Variants in CNN2 observed in about 807,000 individuals in gnomAD.
CNN2 encodes the protein calponin 2.
A neutral mutation model predicts 31.0 loss-of-function variants in CNN2; 21 were observed. The observed-to-expected ratio is 0.68, with a 90% CI of 0.48 to 0.98. The LOEUF (loss-of-function observed/expected upper bound fraction) is 0.98. CNN2 is among the 50% of genes least tolerant of loss of function. The pLI is 0.00. For synonymous variants in CNN2, 165 were observed against 179.6 expected, an observed-to-expected ratio of 0.92 and a Z score of 0.65; for missense variants, 399 against 427.3, an observed-to-expected ratio of 0.93 and a Z score of 0.58.
At position 1,038,736 on chromosome 19, in the gene CNN2, T is replaced by G. The variant is rs2039672249; in HGVS notation, c.*836T>G. Reference sequence around the variant, plus strand: ...CTGCAGGTGCTCCACCACGCCCGGCTAATTTTTGTATTTTTAGTAGAGATG... The same window carrying G: ...CTGCAGGTGCTCCACCACGCCCGGCGAATTTTTGTATTTTTAGTAGAGATG... On this transcript the variant is annotated 3_prime_UTR_variant, in exon 7 of 7. Transcript: ENST00000263097. 6.6e-6 allele frequency: 1 copy of G among 152,206 alleles called. No individual in the cohort carries two copies. The highest frequency in any genetic ancestry group is 1.5e-5 in the Non-Finnish European group (1 of 68,066). 9.4% of individuals were successfully genotyped at this position (152,206 alleles called of 1,614,324 possible).
chr19:1,037,462 G>T, intron 6 of CNN2, 163 bp from the exon 7 acceptor site: 1 of 839,774 alleles, frequency 1.2e-6, no homozygotes, highest in South Asian at 1.7e-5. Flanking sequence ...GGGAGAGACA[G>T]GGTTTCACCG....
chr19:1,031,008 C>T (rs2039480557), intron 1 of CNN2, 63 bp from the exon 2 acceptor site: 1 of 1,559,194 alleles, frequency 6.4e-7, no homozygotes, highest in Non-Finnish European at 8.7e-7. Context: ...TGCAGAGCTT[C>T]TGTGGGGTTC....
chr19:1,029,094 G>A (rs1450155531), intron 1 of CNN2, among the ~76,000 whole-genome samples: 1 of 143,700 alleles, frequency 7.0e-6, no homozygotes. Flanking sequence ...TCCAGCTCAG[G>A]GGACCCTAAC....
At chr19:1,032,855 T>G in intron 4 of CNN2, 159 bp downstream of exon 4, 1 of 607,262 alleles carries the variant, frequency 1.6e-6, no homozygotes, top group Non-Finnish European at 2.9e-6. Flanking sequence ...CTCAGCTCAC[T>G]GCAACCTCCA....
chr19:1,036,111 G>A lies in CNN2; in HGVS notation c.391-19G>A. ...TGGCTGCCCTCTGCTGGTACTCCCGGCCCCTTTCCCTCACCCAGGCCAAGA... is the reference window on the plus strand; with the variant it reads ...TGGCTGCCCTCTGCTGGTACTCCCGACCCCTTTCCCTCACCCAGGCCAAGA... On this transcript the variant is annotated intron_variant, in intron 4 of 6. Transcript: ENST00000263097. 6.3e-7 allele frequency: 1 copy of A among 1,589,104 alleles called. No homozygotes were observed. The highest frequency in any genetic ancestry group is 1.7e-4 in the Middle Eastern group (1 of 5,934).
chr19:1,037,261 C>T, intron 6 of CNN2: 1 of 240,458 alleles, frequency 4.2e-6, no homozygotes, highest in Non-Finnish European at 8.4e-6. Context: ...CCTCAGCCTC[C>T]CGAGTAGCTG....
At chr19:1,029,876 T>C (rs1369429915) in intron 1 of CNN2, among the ~76,000 whole-genome samples, 1 of 151,954 alleles carries the variant, frequency 6.6e-6, no homozygotes, top group Non-Finnish European at 1.5e-5. Context: ...ATTTTTGTAT[T>C]TTAGTACAGA....
chr19:1,030,492 G>A (rs1486242361), intron 1 of CNN2, among the ~76,000 whole-genome samples: 2 of 152,160 alleles, frequency 1.3e-5, no homozygotes, highest in African/African-American at 2.4e-5. Flanking sequence ...TGGGCCTGGT[G>A]GCGGGCGCCT....
Position 1,032,477 on chromosome 19 carries a change from G to A in CNN2, c.252+19G>A, listed in dbSNP as rs370859324. 152 of 1,613,344 alleles carry A rather than the reference G, an allele frequency of 9.4e-5. No individual in the cohort carries two copies. The highest frequency in any genetic ancestry group is 1.2e-4 in the Non-Finnish European group (137 of 1,179,872). ...GCACCAGGTGAGGGGCTGGTGGAGC[G>A]GAGCAGGGATGGTGCTGGGGGCCCA... On this transcript the variant is annotated intron_variant, in intron 3 of 6. Coordinates refer to ENST00000263097, the MANE Select transcript of CNN2 (RefSeq NM_004368.4).
chr19:1,030,593 T>C (rs1204641897), intron 1 of CNN2, among the ~76,000 whole-genome samples: 1 of 151,942 alleles, frequency 6.6e-6, no homozygotes, highest in Non-Finnish European at 1.5e-5. Flanking sequence ...ACCACTGCAC[T>C]CCAGCCTGGG....
chr19:1,030,283 G>A (rs750886602), intron 1 of CNN2, among the ~76,000 whole-genome samples: 17 of 152,190 alleles, frequency 1.1e-4, no homozygotes, highest in Non-Finnish European at 1.9e-4. Context: ...AGCCAGGTGC[G>A]TGACTAGAGG....
intron 4 of CNN2, among the ~76,000 whole-genome samples, chr19:1,033,410 C>G (rs1432946239): frequency 2.0e-5 from 3 of 152,066 alleles, no homozygotes; most frequent in East Asian, 3.9e-4. Context: ...CCCAGCTACT[C>G]GGGAGGCTGA....
intron 2 of CNN2, among the ~76,000 whole-genome samples, chr19:1,031,500 G>T (rs1439841171): frequency 7.1e-6 from 1 of 141,086 alleles, no homozygotes; most frequent in African/African-American, 2.7e-5. Flanking sequence ...GGGAGGCGGA[G>T]GTTGCAGTGA....
chr19:1,038,100 G>A lies in CNN2; in HGVS notation c.*200G>A, dbSNP rs2039630086. 5.1e-6 allele frequency: 3 copies of A among 588,244 alleles called. No homozygotes were observed. The highest frequency in any genetic ancestry group is 8.7e-6 in the Non-Finnish European group (3 of 342,998). 36.4% of individuals were successfully genotyped at this position (588,244 alleles called of 1,614,324 possible). ...CTTCGCAAGGCTGAGCCACTGGGCT[G>A]TGGGGGAAGGGGTCAAGGCCATATC... On this transcript the variant is annotated 3_prime_UTR_variant, in exon 7 of 7. Transcript: ENST00000263097.
At chr19:1,032,783 G>C in intron 4 of CNN2, 87 bp downstream of exon 4, 1 of 1,038,630 alleles carries the variant, frequency 9.6e-7, no homozygotes, top group Non-Finnish European at 1.4e-6. Context: ...GCAAATTTCT[G>C]TTTGTTTATT....
Position 1,036,582 on chromosome 19 carries a change from C to T in CNN2, c.654+20C>T, listed in dbSNP as rs1167766285. ...AGCCAGGTGGGGCTCGCCCGGGTGC[C>T]CCCGACTCCTCTCCCTGCCCCTCTA... On this transcript the variant is annotated intron_variant, in intron 6 of 6. Coordinates refer to ENST00000263097, the MANE Select transcript of CNN2 (RefSeq NM_004368.4). 1.2e-5 allele frequency: 20 copies of T among 1,613,394 alleles called. No homozygotes were observed. The highest frequency in any genetic ancestry group is 1.6e-5 in the Non-Finnish European group (19 of 1,179,884).
Position 1,033,060 on chromosome 19 carries a change from T to A in CNN2, c.390+364T>A, listed in dbSNP as rs191673907. Reference sequence around the variant, plus strand: ...TCCCCAAGTGCTGGGATTACAGGCATGAGCCCCTGTGCCCGGCCTCGTTTA... The same window carrying A: ...TCCCCAAGTGCTGGGATTACAGGCAAGAGCCCCTGTGCCCGGCCTCGTTTA... On this transcript the variant is annotated intron_variant, in intron 4 of 6. Coordinates refer to ENST00000263097, the MANE Select transcript of CNN2 (RefSeq NM_004368.4). 4.5e-4 allele frequency: 113 copies of A among 250,192 alleles called. 1 individual carries two copies. The highest frequency in any genetic ancestry group is 2.4e-3 in the African/African-American group (109 of 44,730). The allele number at this position is 250,192 out of a possible 1,614,324, so 15.5% of individuals were successfully genotyped here. A position where few individuals can be genotyped will look rare whatever the true frequency, so the allele number is the denominator to read the frequency against.
chr19:1,031,489 CG>C (rs1294727222), intron 2 of CNN2, among the ~76,000 whole-genome samples: 13 of 129,830 alleles, frequency 1.0e-4, no homozygotes, highest in Admixed American at 1.7e-4. Flanking sequence ...TGCTTGAACC[CG>C]GGAGGCGGAG....
In CNN2 at chr19:1,032,631, A is replaced by G; in HGVS notation, c.325A>G (p.Asn109Asp). 6.2e-7 allele frequency: 1 copy of G among 1,612,730 alleles called. No homozygotes were observed. The highest frequency in any genetic ancestry group is 8.5e-7 in the Non-Finnish European group (1 of 1,180,018). ...GMNPVDLFEA[N>D]DLFESGNMTQ... ...GAACCCTGTGGACCTGTTCGAGGCC[A>G]ACGACCTGTTTGAGAGTGGGAACAT... is the stretch of plus-strand genomic sequence containing the variant. Residue 109 changes from asparagine (N) to aspartate (D), a missense_variant, in exon 4 of 7, where the codon AAC (asparagine) becomes GAC (aspartate). Asn to Asp is a conservative substitution (Grantham distance 23, BLOSUM62 1). Coordinates refer to ENST00000263097, the MANE Select transcript of CNN2 (RefSeq NM_004368.4).
Sources: allele counts gnomAD v4.1 joint callset (sites outside exome capture counted in the v4.1 genomes callset), GRCh38; gene constraint gnomAD v4.1.1; transcripts MANE v1.5; gene names NCBI Gene and HGNC (gene_info 2026-07-23, HGNC 2026-07-21).